The following CFAP54 variants were observed in gnomAD, a reference collection of about 807,000 sequenced individuals.
The protein encoded by CFAP54 is cilia- and flagella-associated protein 54.
In CFAP54, 290 loss-of-function variants were observed where a neutral mutation model predicts 370.4. The observed-to-expected ratio is 0.78, with a 90% CI of 0.71 to 0.86. CFAP54 has a LOEUF of 0.86. CFAP54 is among the 40% of genes least tolerant of loss of function. CFAP54 has a pLI of 0.00. For missense variants in CFAP54, 3,399 were observed against 3,528.7 expected, an observed-to-expected ratio of 0.96 and a Z score of 0.93; for synonymous variants, 1,206 against 1,236.5, an observed-to-expected ratio of 0.98 and a Z score of 0.52.
chr12:96,554,634 G>T, intron 16 of CFAP54, 42 bp from the exon 17 acceptor site: 1 of 1,480,520 alleles, frequency 6.8e-7, no homozygotes, highest in Admixed American at 2.2e-5. Flanking sequence ...TGTGTGTTTT[G>T]ATAACTATAT....
intron 26 of CFAP54, among the ~76,000 whole-genome samples, chr12:96,613,781 A>G (rs989180124): frequency 6.6e-6 from 1 of 152,226 alleles, no homozygotes; most frequent in African/African-American, 2.4e-5. Flanking sequence ...GAAATGGATA[A>G]ATTCCTGGAC....
chr12:96,547,027 G>A (rs1343670551), intron 14 of CFAP54, among the ~76,000 whole-genome samples: 2 of 152,080 alleles, frequency 1.3e-5, no homozygotes, highest in Admixed American at 6.6e-5. Flanking sequence ...CTATATTTAT[G>A]TAATGAGGGG....
In CFAP54 at chr12:96,671,980, G is replaced by GAGAA. The variant is rs1381197097; in HGVS notation, c.5564-7606_5564-7603dup. Among the ~76,000 whole-genome samples the GAGAA allele has an allele frequency of 7.3e-3, 1,113 of 151,760 alleles. 15 individuals are homozygous for GAGAA. Among genetic ancestry groups the GAGAA allele is most frequent in the African/African-American group, 0.026 (1,062 of 41,336 alleles). The stretch of plus-strand genomic sequence containing the variant: ...AGAGAAAGAAAGAAAGAGAGAGAGA[G>GAGAA]AGAAAGAAAGAAAGAAAAAGAAAGA... On this transcript the variant is annotated intron_variant, in intron 39 of 67. Coordinates refer to ENST00000524981, the MANE Select transcript of CFAP54 (RefSeq NM_001306084.2).
chr12:96,577,403 T>C (rs918161677), intron 20 of CFAP54, among the ~76,000 whole-genome samples: 6 of 152,370 alleles, frequency 3.9e-5, no homozygotes, highest in Admixed American at 3.3e-4. Context: ...CTAATTTATA[T>C]TTTACAAACT....
intron 4 of CFAP54, among the ~76,000 whole-genome samples, chr12:96,507,458 G>C (rs1955115665): frequency 6.6e-6 from 1 of 151,482 alleles, no homozygotes; most frequent in South Asian, 2.1e-4. Flanking sequence ...AAACAACTTG[G>C]CTTTGGGTTT....
intron 60 of CFAP54, among the ~76,000 whole-genome samples, chr12:96,767,595 T>C (rs1958413659): frequency 6.6e-6 from 1 of 152,232 alleles, no homozygotes; most frequent in Non-Finnish European, 1.5e-5. Context: ...TCCAGTCCTT[T>C]CCTGGCAGGC....
chr12:96,494,221 T>C (rs769729031), intron 1 of CFAP54, among the ~76,000 whole-genome samples: 1 of 152,074 alleles, frequency 6.6e-6, no homozygotes, highest in Non-Finnish European at 1.5e-5. Context: ...AGGGGAATAA[T>C]AGGACTTTGG....
intron 15 of CFAP54, among the ~76,000 whole-genome samples, chr12:96,553,523 T>C (rs1955719214): frequency 1.4e-5 from 2 of 144,326 alleles, no homozygotes; most frequent in South Asian, 4.3e-4. Flanking sequence ...TAGTAATATA[T>C]ATAGTTATAT....
chr12:96,545,211 C>A (rs1955625416), intron 14 of CFAP54, among the ~76,000 whole-genome samples: 1 of 152,108 alleles, frequency 6.6e-6, no homozygotes, highest in Non-Finnish European at 1.5e-5. Context: ...CTGCACCCGA[C>A]CTCTTCCTCT....
At chr12:96,627,066 A>C (rs1301857937) in intron 30 of CFAP54, 127 bp downstream of exon 30, 1 of 529,420 alleles carries the variant, frequency 1.9e-6, no homozygotes, top group Admixed American at 4.4e-5. Flanking sequence ...ACTGCCTAAG[A>C]GATAGTGAAA....
intron 39 of CFAP54, among the ~76,000 whole-genome samples, chr12:96,673,843 G>A (rs147263807): frequency 0.011 from 1,671 of 152,296 alleles, 19 homozygotes; most frequent in Non-Finnish European, 0.016. Context: ...CAGTGCCTAG[G>A]AACATTTGGT....
At position 96,580,596 on chromosome 12, in the gene CFAP54, G is replaced by C. The variant is rs1353051406; in HGVS notation, c.2797-1G>C. ...AACAGGCTCATTTTTCTCGTCGGCAGGTCTCCTGGTACTGCATTTTGGGTT... is the reference window on the plus strand; with the variant it reads ...AACAGGCTCATTTTTCTCGTCGGCACGTCTCCTGGTACTGCATTTTGGGTT... On this transcript the variant is annotated splice_acceptor_variant, in intron 20 of 67. Coordinates refer to ENST00000524981, the MANE Select transcript of CFAP54 (RefSeq NM_001306084.2). LOFTEE classifies it high-confidence loss of function. 6 of 1,491,732 alleles carry C rather than the reference G, an allele frequency of 4.0e-6. No homozygotes were observed. Among genetic ancestry groups the C allele is most frequent in the Admixed American group, 4.4e-5 (2 of 45,504 alleles). The allele number at this position is 1,491,732 out of a possible 1,614,324, so 92.4% of individuals were successfully genotyped here. A position where few individuals can be genotyped will look rare whatever the true frequency, so the allele number is the denominator to read the frequency against.
At position 96,860,721 on chromosome 12, in the gene CFAP54, C is replaced by T. The variant is rs936190928; in HGVS notation, c.9172-98C>T. On this transcript the variant is annotated intron_variant, in intron 66 of 67. Coordinates refer to ENST00000524981, the MANE Select transcript of CFAP54 (RefSeq NM_001306084.2). Reference sequence around the variant, plus strand: ...TGAGACACACAAGTTAGCTATCTTTCATATAAAATTATTAGAAATTGCTAT... The same window carrying T: ...TGAGACACACAAGTTAGCTATCTTTTATATAAAATTATTAGAAATTGCTAT... 15 of 1,224,360 alleles carry T rather than the reference C, an allele frequency of 1.2e-5. No individual in the cohort carries two copies. The African/African-American group carries it at 1.8e-4, about 15-fold the overall frequency. 75.8% of individuals were successfully genotyped at this position (1,224,360 alleles called of 1,614,324 possible).
At chr12:96,664,042 C>T in intron 39 of CFAP54, 110 bp downstream of exon 39, 4 of 839,294 alleles carry the variant, frequency 4.8e-6, no homozygotes, top group Non-Finnish European at 7.6e-6. Context: ...ATGTATTTTG[C>T]AGGTTTAGTT....
At chr12:96,535,008 CTGTGTG>C (rs4018882) in intron 11 of CFAP54, among the ~76,000 whole-genome samples, 15,703 of 137,340 alleles carry the variant, frequency 0.11, 905 homozygotes, top group Middle Eastern at 0.16. Flanking sequence ...GTTTTCTTTT[CTGTGTG>C]TGTGTGTGTG....
At chr12:96,795,220 C>T (rs1277938340) in intron 63 of CFAP54, among the ~76,000 whole-genome samples, 2 of 152,036 alleles carry the variant, frequency 1.3e-5, no homozygotes, top group Non-Finnish European at 2.9e-5. Flanking sequence ...TGGTTGGCCT[C>T]CAGCCAGGAA....
chr12:96,746,556 A>G (rs966122232), intron 55 of CFAP54, among the ~76,000 whole-genome samples: 1 of 152,008 alleles, frequency 6.6e-6, no homozygotes, highest in African/African-American at 2.4e-5. Context: ...CATTCTCCCA[A>G]TTTTCCATCT....
chr12:96,727,994 G>A (rs1162254025), intron 50 of CFAP54, among the ~76,000 whole-genome samples: 2 of 152,012 alleles, frequency 1.3e-5, no homozygotes, highest in Non-Finnish European at 2.9e-5. Flanking sequence ...TAAGAATGTT[G>A]AATATTGGCC....
intron 66 of CFAP54, among the ~76,000 whole-genome samples, chr12:96,847,872 G>C (rs1163696729): frequency 6.6e-6 from 1 of 152,192 alleles, no homozygotes; most frequent in Non-Finnish European, 1.5e-5. Context: ...GGAAATGCCA[G>C]GCACAGCTGT....
Sources: gnomAD v4.1 joint callset for allele counts (sites outside exome capture counted in the v4.1 genomes callset) on GRCh38, gnomAD v4.1.1 for gene constraint, MANE v1.5 for transcripts, NCBI Gene and HGNC (gene_info 2026-07-23, HGNC 2026-07-21) for gene names.